The following GPC6 variants were observed in gnomAD, a reference collection of about 807,000 sequenced individuals.
GPC6 encodes glypican 6.
GPC6 carries 14 observed loss-of-function variants against 55.2 expected under a neutral mutation model. The observed-to-expected ratio is 0.25, with a 90% CI of 0.17 to 0.40. The LOEUF (loss-of-function observed/expected upper bound fraction) is 0.40. Among genes scored for constraint, GPC6 ranks in the 10% least tolerant of loss-of-function variants. GPC6 has a pLI of 1.00. For missense variants in GPC6, 641 were observed against 708.5 expected, an observed-to-expected ratio of 0.90 and a Z score of 1.08; for synonymous variants, 278 against 259.6, an observed-to-expected ratio of 1.07 and a Z score of -0.68.
In GPC6 at chr13:93,898,964, T is replaced by C. The variant is rs192967265; in HGVS notation, c.711+68419T>C. Reference sequence around the variant, plus strand: ...AAATATATATATATATATATATATATATACACACACATATATATACATACA... The same window carrying C: ...AAATATATATATATATATATATATACATACACACACATATATATACATACA... On this transcript the variant is annotated intron_variant, in intron 3 of 8. Coordinates refer to ENST00000377047, the MANE Select transcript of GPC6 (RefSeq NM_005708.5). 9.9e-3 allele frequency among the ~76,000 whole-genome samples: 1,413 copies of C among 142,984 alleles called. 23 individuals carry two copies. The highest frequency in any genetic ancestry group is 0.035 in the African/African-American group (1,315 of 37,482). The allele number at this position is 142,984 out of a possible 152,430, so 93.8% of individuals were successfully genotyped here.
intron 1 of GPC6, among the ~76,000 whole-genome samples, chr13:93,321,484 T>C (rs1456183773): frequency 1.3e-5 from 2 of 152,156 alleles, no homozygotes; most frequent in African/African-American, 4.8e-5. Flanking sequence ...TAAGTTTAAC[T>C]AAAAAATCCT....
intron 6 of GPC6, among the ~76,000 whole-genome samples, chr13:94,373,919 TAAAC>T (rs1879710295): frequency 6.6e-6 from 1 of 151,978 alleles, no homozygotes; most frequent in South Asian, 2.1e-4. Context: ...TCAACATTCT[TAAAC>T]AAAAGAATTT....
chr13:94,130,278 C>T (rs1886964376), intron 4 of GPC6, among the ~76,000 whole-genome samples: 1 of 151,998 alleles, frequency 6.6e-6, no homozygotes, highest in Admixed American at 6.6e-5. Context: ...GGCCTCCTAG[C>T]TTTTTTATTT....
chr13:93,542,895 A>C (rs1448381398), intron 1 of GPC6, among the ~76,000 whole-genome samples: 2 of 152,164 alleles, frequency 1.3e-5, no homozygotes, highest in African/African-American at 2.4e-5. Flanking sequence ...ACTTTGCTGA[A>C]GTTGCTTATC....
chr13:93,960,855 C>T (rs953550051), intron 3 of GPC6, among the ~76,000 whole-genome samples: 1 of 149,834 alleles, frequency 6.7e-6, no homozygotes, highest in African/African-American at 2.5e-5. Flanking sequence ...CTCTGTCGCC[C>T]AGGCTAGAGT....
chr13:93,568,115 T>A (rs752780266), intron 2 of GPC6, among the ~76,000 whole-genome samples: 4 of 152,156 alleles, frequency 2.6e-5, no homozygotes, highest in Non-Finnish European at 5.9e-5. Flanking sequence ...TCCATTTGAG[T>A]GTGTCTTTCA....
intron 1 of GPC6, among the ~76,000 whole-genome samples, chr13:93,454,550 A>T (rs1299574315): frequency 6.6e-6 from 1 of 151,200 alleles, no homozygotes. Context: ...CCTGAGCTAG[A>T]CACAGGGTGC....
At chr13:94,269,595 G>T (rs954499993) in intron 4 of GPC6, among the ~76,000 whole-genome samples, 2 of 152,166 alleles carry the variant, frequency 1.3e-5, no homozygotes, top group Admixed American at 6.5e-5. Context: ...GCTTGTGTTT[G>T]CTTCCGTGGG....
chr13:94,390,135 G>A (rs919696490), intron 7 of GPC6, among the ~76,000 whole-genome samples: 1 of 152,194 alleles, frequency 6.6e-6, no homozygotes, highest in African/African-American at 2.4e-5. Context: ...ACTAACCAAC[G>A]AAAACAGCAA....
intron 4 of GPC6, among the ~76,000 whole-genome samples, chr13:94,271,123 T>C (rs1056123930): frequency 2.0e-5 from 3 of 151,330 alleles, no homozygotes; most frequent in African/African-American, 4.9e-5. Flanking sequence ...CCCGAGTAGC[T>C]GGGACTACAG....
intron 4 of GPC6, among the ~76,000 whole-genome samples, chr13:94,154,643 A>G (rs1887862838): frequency 6.6e-6 from 1 of 152,120 alleles, no homozygotes; most frequent in South Asian, 2.1e-4. Flanking sequence ...CTCATTTTAA[A>G]CTTGAGTCTC....
intron 2 of GPC6, among the ~76,000 whole-genome samples, chr13:93,605,781 G>A (rs1212531038): frequency 1.3e-5 from 2 of 150,370 alleles, no homozygotes; most frequent in African/African-American, 2.5e-5. Context: ...GGTGGAGGTT[G>A]GAGTGAGCTG....
At chr13:93,244,535 G>C (rs1876535642) in intron 1 of GPC6, among the ~76,000 whole-genome samples, 1 of 152,246 alleles carries the variant, frequency 6.6e-6, no homozygotes, top group Non-Finnish European at 1.5e-5. Flanking sequence ...TGGATTAGGA[G>C]TGTCTTCCTT....
intron 1 of GPC6, among the ~76,000 whole-genome samples, chr13:93,501,789 C>G (rs768518601): frequency 4.6e-4 from 70 of 152,134 alleles, no homozygotes; most frequent in Non-Finnish European, 9.6e-4. Context: ...TTTGAAATAT[C>G]TAAATTACTG....
intron 2 of GPC6, among the ~76,000 whole-genome samples, chr13:93,797,382 A>G (rs1886231669): frequency 6.6e-6 from 1 of 152,192 alleles, no homozygotes. Flanking sequence ...TATTTTATCT[A>G]GTACAGCTTT....
At chr13:93,988,936 C>T (rs1266872174) in intron 3 of GPC6, among the ~76,000 whole-genome samples, 3 of 152,058 alleles carry the variant, frequency 2.0e-5, no homozygotes, top group African/African-American at 7.2e-5. Flanking sequence ...CATAGATACA[C>T]AGATACAAAG....
chr13:93,656,349 A>T (rs894323898), intron 2 of GPC6, among the ~76,000 whole-genome samples: 3 of 152,160 alleles, frequency 2.0e-5, no homozygotes, highest in Admixed American at 6.5e-5. Context: ...TTACCCCTAA[A>T]GTAGGTTTAT....
intron 1 of GPC6, among the ~76,000 whole-genome samples, chr13:93,230,648 G>T (rs1875973324): frequency 6.6e-6 from 1 of 152,092 alleles, no homozygotes; most frequent in South Asian, 2.1e-4. Flanking sequence ...TCTATCCTCT[G>T]GGAAGATACT....
At chr13:93,305,595 G>T (rs932177559) in intron 1 of GPC6, among the ~76,000 whole-genome samples, 2 of 152,164 alleles carry the variant, frequency 1.3e-5, no homozygotes, top group Admixed American at 6.5e-5. Flanking sequence ...AAGGTAGGAA[G>T]CATTAAGTCT....
Sources: gnomAD v4.1 joint callset for allele counts (sites outside exome capture counted in the v4.1 genomes callset) on GRCh38, gnomAD v4.1.1 for gene constraint, MANE v1.5 for transcripts, NCBI Gene and HGNC (gene_info 2026-07-23, HGNC 2026-07-21) for gene names.